Variants in RASGEF1B observed in about 807,000 individuals in gnomAD.
RASGEF1B encodes the protein RasGEF domain family member 1B.
In RASGEF1B, 30 loss-of-function variants were observed where a neutral mutation model predicts 65.7. The observed-to-expected ratio is 0.46, with a 90% confidence interval of 0.34 to 0.62. The LOEUF is 0.62. RASGEF1B is among the 20% of genes least tolerant of loss of function. The pLI is 0.01. For synonymous variants in RASGEF1B, 175 were observed against 194.8 expected (o/e 0.90, Z 0.85); for missense variants, 495 against 580.1 (o/e 0.85, Z 1.51).
intron 1 of RASGEF1B, among the ~76,000 whole-genome samples, chr4:81,469,816 A>C (rs1722962119): frequency 6.6e-6 from 1 of 152,202 alleles, no homozygotes; most frequent in Non-Finnish European, 1.5e-5. Flanking sequence ...TATCCAGTGG[A>C]GCACATAAAA....
intron 3 of RASGEF1B, 143 bp from the exon 4 acceptor site, chr4:81,456,931 T>C (rs558368466): frequency 1.0e-5 from 7 of 683,890 alleles, no homozygotes; most frequent in East Asian, 2.7e-5. Context: ...CCTCCCTCCA[T>C]GTCAATGCCA....
intron 1 of RASGEF1B, among the ~76,000 whole-genome samples, chr4:81,463,324 A>T (rs996058999): frequency 6.6e-6 from 1 of 152,240 alleles, no homozygotes; most frequent in Non-Finnish European, 1.5e-5. Context: ...CTTTAAAAAA[A>T]ATTATAATAT....
chr4:81,430,162 G>A (rs905290979), intron 13 of RASGEF1B, among the ~76,000 whole-genome samples: 3 of 152,144 alleles, frequency 2.0e-5, no homozygotes, highest in African/African-American at 4.8e-5. Flanking sequence ...TTAGCCGGGC[G>A]TGGTGGCGGG....
chr4:81,461,142 A>G (rs563171014), intron 1 of RASGEF1B, among the ~76,000 whole-genome samples: 1 of 152,316 alleles, frequency 6.6e-6, no homozygotes, highest in East Asian at 1.9e-4. Context: ...TTCCTCCTCA[A>G]ATTGCCAGGT....
At chr4:81,456,553 G>C in intron 4 of RASGEF1B, 98 bp downstream of exon 4, 1 of 1,345,406 alleles carries the variant, frequency 7.4e-7, no homozygotes, top group Non-Finnish European at 1.1e-6. Context: ...GCAAAACAGA[G>C]AGGAAGCAGT....
At chr4:81,462,465 C>T (rs928452361) in intron 1 of RASGEF1B, among the ~76,000 whole-genome samples, 1 of 152,186 alleles carries the variant, frequency 6.6e-6, no homozygotes, top group African/African-American at 2.4e-5. Context: ...ATGTCACAGG[C>T]TATTTTCTGC....
intron 10 of RASGEF1B, 48 bp from the exon 11 acceptor site, chr4:81,434,782 G>A: frequency 1.1e-6 from 1 of 927,050 alleles, no homozygotes; most frequent in Non-Finnish European, 1.7e-6. Flanking sequence ...CAAATATTTA[G>A]CCTTTCATAA....
intron 13 of RASGEF1B, among the ~76,000 whole-genome samples, chr4:81,429,822 G>A (rs1180137378): frequency 6.6e-6 from 1 of 151,880 alleles, no homozygotes; most frequent in Non-Finnish European, 1.5e-5. Context: ...GCTGGTCGTC[G>A]AGAGGACACT....
At chr4:81,432,034 A>T (rs979070439) in intron 13 of RASGEF1B, among the ~76,000 whole-genome samples, 3 of 152,242 alleles carry the variant, frequency 2.0e-5, no homozygotes, top group African/African-American at 7.2e-5. Flanking sequence ...TTTTTAACAT[A>T]CTATGGCTCA....
intron 13 of RASGEF1B, among the ~76,000 whole-genome samples, chr4:81,429,576 C>G (rs144663284): frequency 6.6e-6 from 1 of 152,176 alleles, no homozygotes; most frequent in African/African-American, 2.4e-5. Flanking sequence ...CCTGGCCCAC[C>G]ACGCCCCCAT....
chr4:81,464,503 C>T (rs1179452113), intron 1 of RASGEF1B, among the ~76,000 whole-genome samples: 1 of 152,202 alleles, frequency 6.6e-6, no homozygotes, highest in Non-Finnish European at 1.5e-5. Context: ...TCTCACCTTA[C>T]GAAGTTGCAT....
chr4:81,457,759 T>C (rs75288210), intron 2 of RASGEF1B, 138 bp from the exon 3 acceptor site: 26,634 of 818,334 alleles, frequency 0.033, 554 homozygotes, highest in Middle Eastern at 0.062. Flanking sequence ...CTACTAGTAG[T>C]AAAACAGTGT....
At chr4:81,435,371 A>T (rs1445891112) in intron 10 of RASGEF1B, among the ~76,000 whole-genome samples, 13 of 128,556 alleles carry the variant, frequency 1.0e-4, no homozygotes, top group Admixed American at 5.0e-4. Flanking sequence ...AGATTGCGCC[A>T]CTGCAGTCCG....
chr4:81,444,757 G>A (rs772561295), intron 8 of RASGEF1B, among the ~76,000 whole-genome samples: 3 of 152,084 alleles, frequency 2.0e-5, no homozygotes, highest in Non-Finnish European at 2.9e-5. Context: ...GGGTGGTCTC[G>A]ATCTCCTGAC....
chr4:81,433,240 A>G (rs1560693119), intron 12 of RASGEF1B, among the ~76,000 whole-genome samples: 1 of 152,046 alleles, frequency 6.6e-6, no homozygotes, highest in East Asian at 1.9e-4. Flanking sequence ...AAAAAAAAAA[A>G]AAAAGTCATT....
At chr4:81,438,966 C>G (rs1035553353) in intron 10 of RASGEF1B, among the ~76,000 whole-genome samples, 3 of 152,092 alleles carry the variant, frequency 2.0e-5, no homozygotes, top group Admixed American at 6.5e-5. Flanking sequence ...TTTATCCAGT[C>G]TATCATTGAT....
At chr4:81,464,813 G>A (rs28541568) in intron 1 of RASGEF1B, among the ~76,000 whole-genome samples, 13,327 of 152,136 alleles carry the variant, frequency 0.088, 1,983 homozygotes, top group African/African-American at 0.3. Flanking sequence ...GGCCAGGAGC[G>A]GTGGCTCACA....
rs1049074519 is a variant in RASGEF1B at position 81,447,477 on chromosome 4, G to A, written c.729+27C>T. The A allele has an allele frequency of 3.8e-6, 6 of 1,581,538 alleles. No homozygotes were observed. In the African/African-American group the frequency reaches 8.1e-5, roughly 21 times the overall value. The stretch of plus-strand genomic sequence containing the variant: ...CTGATAAATCCCATTTTTGGTTTCA[G>A]TGCTGACCTTTGGGTAGACTGATTA... On this transcript the variant is annotated intron_variant, in intron 6 of 13. Coordinates refer to ENST00000264400, the MANE Select transcript of RASGEF1B (RefSeq NM_152545.3).
intron 4 of RASGEF1B, 116 bp downstream of exon 4, chr4:81,456,535 G>C: frequency 8.9e-7 from 1 of 1,125,514 alleles, no homozygotes; most frequent in East Asian, 2.3e-5. Flanking sequence ...TGGAGGGCTT[G>C]CCCAAAGGCA....
Sources: gnomAD v4.1 joint callset for allele counts (sites outside exome capture counted in the v4.1 genomes callset) on GRCh38, gnomAD v4.1.1 for gene constraint, MANE v1.5 for transcripts, NCBI Gene and HGNC (gene_info 2026-07-23, HGNC 2026-07-21) for gene names.